The following CPLX2 variants were observed in gnomAD, a reference collection of about 807,000 sequenced individuals.
The protein encoded by CPLX2 is complexin 2.
In CPLX2, 5 loss-of-function variants were observed where a neutral mutation model predicts 16.3. The observed-to-expected ratio is 0.31, with a 90% confidence interval of 0.16 to 0.64. CPLX2 has a LOEUF of 0.64. CPLX2 is among the 30% of genes least tolerant of loss of function. CPLX2 has a pLI of 0.79. For synonymous variants in CPLX2, 89 were observed against 73.2 expected (o/e 1.22, Z -1.10); for missense variants, 144 against 181.4 (o/e 0.79, Z 1.18).
chr5:175,826,053 C>G (rs893431158), intron 2 of CPLX2, among the ~76,000 whole-genome samples: 1 of 149,632 alleles, frequency 6.7e-6, no homozygotes, highest in Non-Finnish European at 1.5e-5. Context: ...GGCTGAGACT[C>G]AGGGATGCAC....
intron 2 of CPLX2, among the ~76,000 whole-genome samples, chr5:175,857,092 G>A (rs1347528937): frequency 1.3e-5 from 2 of 152,146 alleles, no homozygotes; most frequent in Admixed American, 6.5e-5. Context: ...TAGCATCCAG[G>A]CCTCTCACTA....
Position 175,879,911 on chromosome 5 carries a change from G to A in CPLX2, c.271G>A (p.Glu91Lys), listed in dbSNP as rs772923966. 2.5e-6 allele frequency: 4 copies of A among 1,613,906 alleles called. No individual in the cohort carries two copies. Among genetic ancestry groups the A allele is most frequent in the East Asian group, 2.2e-5 (1 of 44,864 alleles). Residue 91 changes from glutamate (E) to lysine (K), a missense_variant, in exon 4 of 4, where the codon GAG (glutamate) becomes AAG (lysine). Glu to Lys is a moderately conservative substitution (Grantham distance 56). Coordinates refer to ENST00000393745, the MANE Select transcript of CPLX2 (RefSeq NM_001008220.2). Reference protein sequence around the residue: ...EEKAALEQPCEGSLTRPKKAI... With the variant: ...EEKAALEQPCKGSLTRPKKAI... Reference sequence around the variant, plus strand: ...GAAAGCAGCCCTGGAGCAGCCCTGCGAGGGGAGCCTGACCCGGCCCAAGAA... The same window carrying A: ...GAAAGCAGCCCTGGAGCAGCCCTGCAAGGGGAGCCTGACCCGGCCCAAGAA...
intron 2 of CPLX2, among the ~76,000 whole-genome samples, chr5:175,816,794 C>T (rs1210404805): frequency 6.6e-6 from 1 of 152,230 alleles, no homozygotes; most frequent in African/African-American, 2.4e-5. Context: ...TTTAACTCAA[C>T]ACATCCTAAA....
At chr5:175,835,072 A>G (rs1322373343) in intron 2 of CPLX2, among the ~76,000 whole-genome samples, 1 of 152,230 alleles carries the variant, frequency 6.6e-6, no homozygotes. Flanking sequence ...CAAGCAGGAT[A>G]CATCAATTTT....
intron 1 of CPLX2, among the ~76,000 whole-genome samples, chr5:175,798,520 C>T (rs1291934802): frequency 6.6e-6 from 1 of 152,042 alleles, no homozygotes; most frequent in Admixed American, 6.5e-5. Context: ...TAAGGAAAGA[C>T]CAGGAAAATG....
At chr5:175,868,135 A>C (rs1759512433), upstream of CPLX2, among the ~76,000 whole-genome samples, 1 of 152,234 alleles carries the variant, frequency 6.6e-6, no homozygotes, top group Non-Finnish European at 1.5e-5. Context: ...CAGCAAGCTC[A>C]GGACCAGCCA....
At chr5:175,819,045 G>A (rs1054945227) in intron 2 of CPLX2, among the ~76,000 whole-genome samples, 1 of 152,154 alleles carries the variant, frequency 6.6e-6, no homozygotes, top group African/African-American at 2.4e-5. Flanking sequence ...CCTGCTCAGC[G>A]ACGTTGGAGA....
intron 2 of CPLX2, among the ~76,000 whole-genome samples, chr5:175,815,671 A>C (rs779029539): frequency 4.6e-5 from 7 of 152,278 alleles, no homozygotes; most frequent in Non-Finnish European, 1.0e-4. Context: ...ACTTCTACTC[A>C]TCCACTACAA....
chr5:175,857,737 T>C (rs1403914480), intron 2 of CPLX2, among the ~76,000 whole-genome samples: 5 of 152,184 alleles, frequency 3.3e-5, no homozygotes, highest in Admixed American at 3.3e-4. Context: ...AGTGGAACCA[T>C]TGTAAGTTGG....
At chr5:175,798,009 G>A (rs778663591) in intron 1 of CPLX2, among the ~76,000 whole-genome samples, 61 of 152,340 alleles carry the variant, frequency 4.0e-4, no homozygotes, top group South Asian at 8.3e-4. Flanking sequence ...CTAGGGGGCA[G>A]GGGTGATTCG....
intron 1 of CPLX2, among the ~76,000 whole-genome samples, chr5:175,798,126 C>G (rs2245080): frequency 0.59 from 90,084 of 152,070 alleles, 27,503 homozygotes; most frequent in East Asian, 0.85. Flanking sequence ...TAAAATCCCA[C>G]ATGCAAGGAG....
At chr5:175,799,576 A>ATATATATATATAT (rs1758054785) in intron 1 of CPLX2, among the ~76,000 whole-genome samples, 1 of 142,504 alleles carries the variant, frequency 7.0e-6, no homozygotes, top group Non-Finnish European at 1.5e-5. Flanking sequence ...ATATATATAT[A>ATATATATATATAT]GTAATCACAG....
In CPLX2 at chr5:175,816,335, T is replaced by G. The variant is rs918436128; in HGVS notation, c.-89+7267T>G. On this transcript the variant is annotated intron_variant, in intron 2 of 4. Coordinates refer to the CPLX2 transcript ENST00000359546. ...GGCCCGCATCACCATGCCCAGCTAATTTTTGTATTTTTAGTAGAGGCGGGG... is the reference window on the plus strand; with the variant it reads ...GGCCCGCATCACCATGCCCAGCTAAGTTTTGTATTTTTAGTAGAGGCGGGG... Among the ~76,000 whole-genome samples the G allele has an allele frequency of 5.3e-5, 8 of 152,218 alleles. No individual in the cohort carries two copies. In the South Asian group the frequency reaches 1.5e-3, roughly 28 times the overall value.
At chr5:175,863,300 T>C (rs968273130) in intron 2 of CPLX2, among the ~76,000 whole-genome samples, 30 of 152,204 alleles carry the variant, frequency 2.0e-4, no homozygotes, top group African/African-American at 7.0e-4. Flanking sequence ...TGGGACTAGT[T>C]GCCTTGAAGC....
rs140776588 is a variant in CPLX2, at chr5:175,809,441, T to C, written c.-89+373T>C. 7 of 152,364 alleles carry C rather than the reference T, an allele frequency of 4.6e-5. No individual in the cohort carries two copies. In the East Asian group the frequency reaches 1.2e-3, roughly 25 times the overall value. The allele number at this position is 152,364 out of a possible 1,614,324, so 9.4% of individuals were successfully genotyped here. A position where few individuals can be genotyped will look rare whatever the true frequency, so the allele number is the denominator to read the frequency against. On this transcript the variant is annotated intron_variant, in intron 2 of 4. Transcript: ENST00000359546. This position sits in a 1 kb window ranked among gnomAD's most constrained non-coding sequence, Gnocchi z 4.4. Reference sequence around the variant, plus strand: ...AAGCTTTTTCATGTCCGTATCCCAATGGCCTGTGCACATTGTAGGTGCTTG... The same window carrying C: ...AAGCTTTTTCATGTCCGTATCCCAACGGCCTGTGCACATTGTAGGTGCTTG...
Position 175,872,453 on chromosome 5 carries a change from T to A in CPLX2, c.-89+748T>A, listed in dbSNP as rs1419319968. ...GGGCCGGGTCTTGGGGTTGGAGCTA[T>A]GTGTGTTGGGGGAAGGGGCGCTCTC... On this transcript the variant is annotated intron_variant, in intron 1 of 3. Coordinates refer to ENST00000393745, the MANE Select transcript of CPLX2 (RefSeq NM_001008220.2). This position sits in a 1 kb window ranked among gnomAD's most constrained non-coding sequence, Gnocchi z 5.0. Among the ~76,000 whole-genome samples the A allele has an allele frequency of 6.6e-6, 1 of 151,868 alleles. No individual in the cohort carries two copies. Among genetic ancestry groups the A allele is most frequent in the Non-Finnish European group, 1.5e-5 (1 of 67,920 alleles).
chr5:175,845,346 G>A lies in CPLX2; in HGVS notation c.-88-33306G>A, dbSNP rs564209491. On this transcript the variant is annotated intron_variant, in intron 2 of 4. Coordinates refer to the CPLX2 transcript ENST00000359546. This position sits in a 1 kb window ranked among gnomAD's most constrained non-coding sequence, Gnocchi z 4.0. ...ATCACCTGGCTCCTGCGGCCTCTCC[G>A]GCCTCATTTCCTCAACTCTGCCCCT... Among the ~76,000 whole-genome samples, 34 of 152,248 alleles carry A rather than the reference G, an allele frequency of 2.2e-4. No homozygotes were observed. In the South Asian group the frequency reaches 5.2e-3, roughly 23 times the overall value.
At chr5:175,802,284 C>T (rs1379219285) in intron 1 of CPLX2, among the ~76,000 whole-genome samples, 2 of 152,128 alleles carry the variant, frequency 1.3e-5, no homozygotes, top group African/African-American at 4.8e-5. Flanking sequence ...ATCCTAGGTT[C>T]TCCTGTGATC....
rs945794215 is a variant in CPLX2, at chr5:175,833,156, C to CAAAAA, written c.-89+24094_-89+24098dup. Among the ~76,000 whole-genome samples the CAAAAA allele has an allele frequency of 4.4e-5, 6 of 137,700 alleles. No homozygotes were observed. In the South Asian group the frequency reaches 7.5e-4, roughly 17 times the overall value. The allele number at this position is 137,700 out of a possible 152,430, so 90.3% of individuals were successfully genotyped here. On this transcript the variant is annotated intron_variant, in intron 2 of 4. Transcript: ENST00000359546. ...AGATGACAAAAGTGAAACTCCATCT[C>CAAAAA]AAAAAAAAAAGAGAAAAGAAAAGAA... is the stretch of plus-strand genomic sequence containing the variant.
Sources: allele counts gnomAD v4.1 joint callset (sites outside exome capture counted in the v4.1 genomes callset), GRCh38; gene constraint gnomAD v4.1.1; non-coding constraint Gnocchi (gnomAD v3.1); transcripts MANE v1.5; gene names NCBI Gene and HGNC (gene_info 2026-07-23, HGNC 2026-07-21).